DIS3L: variants seen among roughly 807,000 people sequenced by gnomAD.
DIS3L encodes DIS3 like exosome 3'-5' exoribonuclease, also known as DIS3-like exonuclease 1.
In DIS3L, 100 loss-of-function variants were observed where a neutral mutation model predicts 120.3. The observed-to-expected ratio is 0.83, with a 90% CI of 0.71 to 0.98. The LOEUF (loss-of-function observed/expected upper bound fraction) is 0.98. DIS3L is among the 50% of genes least tolerant of loss of function. The probability of loss-of-function intolerance (pLI) is 0.00; values close to 1 mark genes in which losing one functional copy is unlikely to be tolerated. For synonymous variants in DIS3L, 426 were observed against 470.6 expected, an observed-to-expected ratio of 0.91 and a Z score of 1.23; for missense variants, 1,196 against 1,314.2, an observed-to-expected ratio of 0.91 and a Z score of 1.39.
In DIS3L at chr15:66,320,591, C is replaced by T. The variant is rs1015723679; in HGVS notation, c.1185C>T (p.Arg395=). 6.2e-7 allele frequency: 1 copy of T among 1,613,520 alleles called. No homozygotes were observed. The highest frequency in any genetic ancestry group is 8.5e-7 in the Non-Finnish European group (1 of 1,179,840). The change falls in exon 9 of 17, where the codon CGC becomes CGT. Residue 395 remains arginine, a synonymous_variant. Coordinates refer to ENST00000319212, the MANE Select transcript of DIS3L (RefSeq NM_001143688.3). ...TGCAGGACTTCAGGGTGGTCGTGCG[C>T]ATCGATTCCTGGGAGTCAACATCTG... The part of the protein sequence containing the change: ...ETLQDFRVVV[R]IDSWESTSVY...
In DIS3L at chr15:66,326,126, G is replaced by C. The variant is rs1253164724; in HGVS notation, c.1963G>C (p.Glu655Gln). 1.2e-6 allele frequency: 2 copies of C among 1,614,106 alleles called. No homozygotes were observed. Among genetic ancestry groups the C allele is most frequent in the African/African-American group, 2.7e-5 (2 of 74,938 alleles). ...TGGTGCCCTGGAACTGGAAGGGGTA[G>C]AGGTTTGCGTACAGCTAGATGACAA... ...GCGALELEGV[E>Q]VCVQLDDKKN... The change falls in exon 12 of 17, where the codon GAG becomes CAG. Residue 655 changes from glutamate (E) to glutamine (Q), a missense_variant. Physicochemically the swap from Glu to Gln is conservative, Grantham distance 29 (BLOSUM62 2). Coordinates refer to ENST00000319212, the MANE Select transcript of DIS3L (RefSeq NM_001143688.3).
In DIS3L at chr15:66,329,039, A is replaced by G; in HGVS notation, c.2271A>G (p.Leu757=). ...CCCACGATCCCATTGTGAACAGGCT[A>G]CTGCGCTCCATGGCCACGCAGGCCA... The part of the protein sequence containing the change: ...NDPHDPIVNR[L]LRSMATQAMS... The change falls in exon 13 of 17, where the codon CTA becomes CTG. Residue 757 remains leucine, a synonymous_variant. Coordinates refer to ENST00000319212, the MANE Select transcript of DIS3L (RefSeq NM_001143688.3). 6.2e-7 allele frequency: 1 copy of G among 1,614,234 alleles called. No individual in the cohort carries two copies.
intron 5 of DIS3L, 94 bp from the exon 6 acceptor site, chr15:66,313,945 A>G: frequency 1.1e-6 from 1 of 910,260 alleles, no homozygotes; most frequent in South Asian, 1.7e-5. Context: ...TATTATGGGG[A>G]TGTTTTCACA....
intron 2 of DIS3L, among the ~76,000 whole-genome samples, chr15:66,302,052 C>T (rs1341378745): frequency 1.3e-5 from 2 of 151,940 alleles, no homozygotes; most frequent in African/African-American, 4.8e-5. Context: ...GTGGCAGACA[C>T]ATCAGTATTT....
Position 66,329,270 on chromosome 15 carries a change from T to C in DIS3L, c.2406T>C (p.Tyr802=). Reference sequence around the variant, plus strand: ...ACTTTACTTCTCCAATAAGAAGATATTCAGATATTGTAGTACACCGCTTGT... The same window carrying C: ...ACTTTACTTCTCCAATAAGAAGATACTCAGATATTGTAGTACACCGCTTGT... ...YTHFTSPIRR[Y]SDIVVHRLLM... The change falls in exon 14 of 17, where the codon TAT becomes TAC. Residue 802 remains tyrosine (Y), a synonymous_variant. Coordinates refer to ENST00000319212, the MANE Select transcript of DIS3L (RefSeq NM_001143688.3). The C allele has an allele frequency of 6.2e-7, 1 of 1,612,664 alleles. No individual in the cohort carries two copies. Among genetic ancestry groups the C allele is most frequent in the South Asian group, 1.1e-5 (1 of 90,472 alleles).
At chr15:66,293,371 G>C (rs1275148134), upstream of DIS3L, 1 of 772,306 alleles carries the variant, frequency 1.3e-6, no homozygotes, top group African/African-American at 1.8e-5. Context: ...CTCTGGGGTA[G>C]GTCGTTTCCA....
intron 8 of DIS3L, among the ~76,000 whole-genome samples, chr15:66,319,552 T>C (rs2092857827): frequency 1.3e-5 from 2 of 152,194 alleles, no homozygotes; most frequent in Admixed American, 1.3e-4. Context: ...ACAAGAAGGT[T>C]AGAAATTAAC....
chr15:66,296,961 G>A (rs1402065201), intron 2 of DIS3L, among the ~76,000 whole-genome samples: 2 of 152,206 alleles, frequency 1.3e-5, no homozygotes, highest in East Asian at 1.9e-4. Context: ...AGAAGTAAAC[G>A]TGGAGTGGAG....
intron 2 of DIS3L, among the ~76,000 whole-genome samples, chr15:66,303,129 A>C (rs2092665921): frequency 6.6e-6 from 1 of 152,210 alleles, no homozygotes; most frequent in African/African-American, 2.4e-5. Flanking sequence ...CACCCATGTT[A>C]TGGCATGTGT....
intron 2 of DIS3L, among the ~76,000 whole-genome samples, chr15:66,298,179 CAAAAAAAAAAAAA>C (rs11419116): frequency 6.5e-5 from 3 of 45,978 alleles, no homozygotes; most frequent in South Asian, 1.3e-3. Flanking sequence ...GACTCCGTCT[CAAAAAAAAAAAAA>C]AAAAAAAAAA....
intron 7 of DIS3L, among the ~76,000 whole-genome samples, chr15:66,318,089 T>G (rs937047511): frequency 5.9e-5 from 9 of 152,180 alleles, no homozygotes; most frequent in African/African-American, 2.2e-4. Context: ...TTCTCCTGCC[T>G]TAGCCTCCTA....
At chr15:66,329,472 C>A (rs1384160948) in intron 14 of DIS3L, 73 bp downstream of exon 14, 1 of 1,474,260 alleles carries the variant, frequency 6.8e-7, no homozygotes, top group Admixed American at 2.4e-5. Flanking sequence ...TGTGTAGTAC[C>A]GTGAAGTATC....
chr15:66,316,988 T>C (rs1430741912), intron 7 of DIS3L, among the ~76,000 whole-genome samples: 1 of 152,196 alleles, frequency 6.6e-6, no homozygotes, highest in African/African-American at 2.4e-5. Context: ...CATGCTTTGC[T>C]CCAGCCGCAG....
chr15:66,315,782 C>T (rs973664838), intron 7 of DIS3L, among the ~76,000 whole-genome samples: 1 of 152,216 alleles, frequency 6.6e-6, no homozygotes, highest in Non-Finnish European at 1.5e-5. Context: ...GTCTCTCATG[C>T]CTGCCATTCT....
intron 2 of DIS3L, among the ~76,000 whole-genome samples, chr15:66,304,102 A>C (rs1286874763): frequency 6.7e-6 from 1 of 148,736 alleles, no homozygotes; most frequent in East Asian, 2.0e-4. Context: ...AAAAAAAAAA[A>C]AAAAAAAAAA....
intron 3 of DIS3L, 115 bp downstream of exon 3, chr15:66,307,067 G>T: frequency 7.4e-7 from 1 of 1,347,156 alleles, no homozygotes. Flanking sequence ...AATTATTCTG[G>T]AACCATGATT....
At chr15:66,295,239 G>T in intron 2 of DIS3L, 98 bp downstream of exon 2, 1 of 1,220,124 alleles carries the variant, frequency 8.2e-7, no homozygotes. Context: ...TCATTATTTT[G>T]TCAGAAGGGA....
chr15:66,326,461 C>A, intron 12 of DIS3L, 97 bp downstream of exon 12: 2 of 1,328,510 alleles, frequency 1.5e-6, no homozygotes, highest in Non-Finnish European at 2.0e-6. Flanking sequence ...GATCTTTGAC[C>A]AAAAAGAGAA....
At chr15:66,310,449 A>G (rs1462166095) in intron 4 of DIS3L, among the ~76,000 whole-genome samples, 2 of 152,198 alleles carry the variant, frequency 1.3e-5, no homozygotes, top group Non-Finnish European at 2.9e-5. Context: ...AAACTGTGTG[A>G]CCAAGGGCTC....
Sources: allele counts gnomAD v4.1 joint callset (sites outside exome capture counted in the v4.1 genomes callset), GRCh38; gene constraint gnomAD v4.1.1; transcripts MANE v1.5; gene names NCBI Gene and HGNC (gene_info 2026-07-23, HGNC 2026-07-21).